The following ACOT11 variants were observed in gnomAD, a reference collection of about 807,000 sequenced individuals.
ACOT11 encodes the protein acyl-coenzyme A thioesterase 11.
In ACOT11, 69 loss-of-function variants were observed where a neutral mutation model predicts 77.5. The observed-to-expected ratio is 0.89, with a 90% CI of 0.73 to 1.09. The LOEUF (loss-of-function observed/expected upper bound fraction) is 1.09. Among genes scored for constraint, ACOT11 ranks in the 50% least tolerant of loss-of-function variants. ACOT11 has a pLI of 0.00. For missense variants in ACOT11, 766 were observed against 813.7 expected, an observed-to-expected ratio of 0.94 and a Z score of 0.71; for synonymous variants, 279 against 313.0, an observed-to-expected ratio of 0.89 and a Z score of 1.15.
chr1:54,552,653 T>C (rs1327468985), intron 1 of ACOT11, among the ~76,000 whole-genome samples: 1 of 151,918 alleles, frequency 6.6e-6, no homozygotes, highest in Non-Finnish European at 1.5e-5. Flanking sequence ...CATCGGCTAA[T>C]TTTTTCTATT....
At chr1:54,549,749 G>C (rs1260907088) in intron 1 of ACOT11, among the ~76,000 whole-genome samples, 1 of 152,226 alleles carries the variant, frequency 6.6e-6, no homozygotes, top group Non-Finnish European at 1.5e-5. Context: ...TGAATGAATG[G>C]GGACAGGCAG....
At chr1:54,617,961 A>G (rs1345500702) in intron 15 of ACOT11, among the ~76,000 whole-genome samples, 1 of 151,886 alleles carries the variant, frequency 6.6e-6, no homozygotes, top group African/African-American at 2.4e-5. Flanking sequence ...TCCTGACCTC[A>G]GGTGATCCAC....
At position 54,621,195 on chromosome 1, in the gene ACOT11, G is replaced by A. The variant is rs575941881; in HGVS notation, c.1630-9539G>A. 6.0e-5 allele frequency among the ~76,000 whole-genome samples: 9 copies of A among 150,478 alleles called. No individual in the cohort carries two copies. In the South Asian group the frequency reaches 1.3e-3, roughly 21 times the overall value. On this transcript the variant is annotated intron_variant, in intron 15 of 16. Coordinates refer to the ACOT11 transcript ENST00000371316. The stretch of plus-strand genomic sequence containing the variant: ...AAAAAACCTGCGCGCGGCGGCTGAC[G>A]CCTGTAATCCCAGCACTTTGGGAGA...
intron 15 of ACOT11, among the ~76,000 whole-genome samples, chr1:54,624,248 T>C (rs1702005): frequency 0.98 from 149,990 of 152,284 alleles, 73,909 homozygotes; most frequent in East Asian, 1. Flanking sequence ...CAGAGAGATC[T>C]GGAATGTGAG....
At position 54,548,307 on chromosome 1, in the gene ACOT11, G is replaced by T. The variant is rs775266928; in HGVS notation, c.-3G>T. ...GCGCTGCTTTCCCCGGCCACCCGGC[G>T]CGATGATCCAGAATGTCGGAAATCA... On this transcript the variant is annotated 5_prime_UTR_variant, in exon 1 of 16. Coordinates refer to ENST00000343744, the MANE Select transcript of ACOT11 (RefSeq NM_147161.4). The T allele has an allele frequency of 6.3e-7, 1 of 1,597,280 alleles. No individual in the cohort carries two copies. Among genetic ancestry groups the T allele is most frequent in the African/African-American group, 1.3e-5 (1 of 74,790 alleles).
exon 17 of ACOT11, chr1:54,638,562 T>G (rs1470371166): frequency 1.3e-5 from 2 of 152,180 alleles, no homozygotes; most frequent in Middle Eastern, 3.2e-3. Flanking sequence ...TTCACTGTGT[T>G]GGCCAGGCTG....
chr1:54,620,845 CAAAAAAAAAA>C (rs767625864), intron 15 of ACOT11, among the ~76,000 whole-genome samples: 7 of 12,130 alleles, frequency 5.8e-4, no homozygotes, highest in East Asian at 3.6e-3. Context: ...GAGACTCTGT[CAAAAAAAAAA>C]AAAAAAAAAA....
chr1:54,607,817 C>T lies in ACOT11; in HGVS notation c.1503-125C>T. 7.5e-7 allele frequency: 1 copy of T among 1,324,672 alleles called. No homozygotes were observed. Among genetic ancestry groups the T allele is most frequent in the Non-Finnish European group, 1.0e-6 (1 of 959,708 alleles). The allele number at this position is 1,324,672 out of a possible 1,614,324, so 82.1% of individuals were successfully genotyped here. On this transcript the variant is annotated intron_variant, in intron 14 of 15. Coordinates refer to ENST00000343744, the MANE Select transcript of ACOT11 (RefSeq NM_147161.4). This position sits in a 1 kb window ranked among gnomAD's most constrained non-coding sequence, Gnocchi z 4.5. ...ATTGGGGCTTTAAGAGTCGATGTGC[C>T]TTGCATCCCCCTGGTGAGGAATCTG...
Position 54,607,890 on chromosome 1 carries a change from C to T in ACOT11, c.1503-52C>T, listed in dbSNP as rs1339763241. 1 of 1,608,850 alleles carries T rather than the reference C, an allele frequency of 6.2e-7. No homozygotes were observed. The highest frequency in any genetic ancestry group is 1.3e-5 in the African/African-American group (1 of 74,748). On this transcript the variant is annotated intron_variant, in intron 14 of 15. Coordinates refer to ENST00000343744, the MANE Select transcript of ACOT11 (RefSeq NM_147161.4). This position sits in a 1 kb window ranked among gnomAD's most constrained non-coding sequence, Gnocchi z 4.5. ...GCCTTGGTTGGGCAGAACAGGCCCC[C>T]ACTTTCTTCTGTGGCTGACCCCTGT...
At chr1:54,557,468 T>TA (rs1333278321) in intron 1 of ACOT11, among the ~76,000 whole-genome samples, 3 of 151,564 alleles carry the variant, frequency 2.0e-5, no homozygotes, top group Non-Finnish European at 2.9e-5. Context: ...TTTTAAGAGA[T>TA]AGAGTCTTGC....
At chr1:54,623,960 A>G (rs538813586) in intron 15 of ACOT11, among the ~76,000 whole-genome samples, 1 of 152,178 alleles carries the variant, frequency 6.6e-6, no homozygotes, top group Admixed American at 6.5e-5. Flanking sequence ...AGGGGCAATA[A>G]TCTTCCTTTC....
intron 15 of ACOT11, chr1:54,616,209 T>A: frequency 1.3e-6 from 2 of 1,559,132 alleles, no homozygotes; most frequent in Non-Finnish European, 1.7e-6. Flanking sequence ...GTTCCTTTTT[T>A]TAAAAAAAGA....
intron 1 of ACOT11, among the ~76,000 whole-genome samples, chr1:54,553,563 T>C (rs1653148059): frequency 6.6e-6 from 1 of 152,200 alleles, no homozygotes; most frequent in Admixed American, 6.5e-5. Flanking sequence ...ATGTTATGAC[T>C]AAATCTAATT....
chr1:54,562,135 A>G (rs1400317558), intron 1 of ACOT11, among the ~76,000 whole-genome samples: 1 of 49,586 alleles, frequency 2.0e-5, no homozygotes, highest in Admixed American at 1.5e-4. Flanking sequence ...CTGGCCGGGC[A>G]GAGGGGCTCC....
chr1:54,603,051 C>T (rs1344271147), intron 10 of ACOT11, among the ~76,000 whole-genome samples: 5 of 152,178 alleles, frequency 3.3e-5, no homozygotes, highest in Admixed American at 2.6e-4. Context: ...GATGAAGAAA[C>T]GTTCAGAGAG....
At chr1:54,586,751 TC>T (rs1654516193) in intron 3 of ACOT11, among the ~76,000 whole-genome samples, 1 of 152,000 alleles carries the variant, frequency 6.6e-6, no homozygotes, top group African/African-American at 2.4e-5. Context: ...TTCTTTTCTT[TC>T]TTTTAATGGC....
At chr1:54,612,620 C>T (rs200765716), downstream of ACOT11, 294 of 1,614,080 alleles carry the variant, frequency 1.8e-4, 1 homozygote, top group East Asian at 6.2e-3. Flanking sequence ...CTTGGGTGTA[C>T]GTCCTGTTTG....
chr1:54,557,921 GT>G (rs1653323662), intron 1 of ACOT11, among the ~76,000 whole-genome samples: 1 of 152,170 alleles, frequency 6.6e-6, no homozygotes, highest in Non-Finnish European at 1.5e-5. Context: ...TTGGATATAA[GT>G]GGTAAAAGTG....
At chr1:54,604,322 G>C (rs762553144) in intron 11 of ACOT11, 24 bp from the exon 12 acceptor site, 23 of 1,608,532 alleles carry the variant, frequency 1.4e-5, no homozygotes, top group Non-Finnish European at 1.9e-5. Context: ...GTGGGGTAGT[G>C]GTAGCACCTG....
Sources: allele counts gnomAD v4.1 joint callset (sites outside exome capture counted in the v4.1 genomes callset), GRCh38; gene constraint gnomAD v4.1.1; non-coding constraint Gnocchi (gnomAD v3.1); transcripts MANE v1.5; gene names NCBI Gene and HGNC (gene_info 2026-07-23, HGNC 2026-07-21).